The following DMD variants were observed in gnomAD, a reference collection of about 807,000 sequenced individuals.
The protein encoded by DMD is mutant dystrophin.
DMD carries 63 observed loss-of-function variants against 330.1 expected under a neutral mutation model. The ratio of observed to expected loss-of-function variants is 0.19; its 90% CI spans 0.16 to 0.24. DMD has a LOEUF of 0.24. DMD is among the 10% of genes least tolerant of loss of function. DMD has a pLI of 1.00. For synonymous variants in DMD, 1,223 were observed against 959.8 expected (o/e 1.27, Z -5.07); for missense variants, 3,344 against 2,684.1 (o/e 1.25, Z -5.43).
intron 2 of DMD, among the ~76,000 whole-genome samples, chrX:32,878,976 C>G (rs1270881027): frequency 2.0e-5 from 2 of 100,957 alleles, no homozygotes; most frequent in African/African-American, 3.6e-5. Context: ...CCACTGCACT[C>G]TAGCCTAGGC....
intron 43 of DMD, among the ~76,000 whole-genome samples, chrX:32,256,966 G>A (rs1346128440): frequency 1.8e-5 from 2 of 111,071 alleles, no homozygotes; most frequent in African/African-American, 6.6e-5. Context: ...CTTCAGCCAA[G>A]TCTCAGAATA....
chrX:33,267,334 A>T (rs1603426745), intron 1 of DMD, among the ~76,000 whole-genome samples: 1 of 111,203 alleles, frequency 9.0e-6, no homozygotes, highest in Middle Eastern at 4.6e-3. Flanking sequence ...TGTAAGGAGT[A>T]TTAAAAAACA....
chrX:32,742,312 T>C (rs1282750427), intron 7 of DMD, among the ~76,000 whole-genome samples: 2 of 112,187 alleles, frequency 1.8e-5, no homozygotes, highest in Non-Finnish European at 3.8e-5. Context: ...TTTTATTAAA[T>C]ATTCTTCGTG....
chrX:32,422,913 TGAAA>T (rs982932788), intron 29 of DMD, among the ~76,000 whole-genome samples: 1 of 111,430 alleles, frequency 9.0e-6, no homozygotes, highest in African/African-American at 3.3e-5. Flanking sequence ...AAACGTAAGA[TGAAA>T]GAGAGAGATG....
At chrX:32,866,716 C>CCCTTTT (rs1557100804) in intron 2 of DMD, among the ~76,000 whole-genome samples, 1 of 37,435 alleles carries the variant, frequency 2.7e-5, no homozygotes, top group Non-Finnish European at 4.3e-5. Context: ...CATACACACA[C>CCCTTTT]TTTTTTTTGG....
intron 7 of DMD, among the ~76,000 whole-genome samples, chrX:32,712,413 G>C (rs1324643940): frequency 9.0e-6 from 1 of 111,421 alleles, no homozygotes; most frequent in Non-Finnish European, 1.9e-5. Flanking sequence ...ATTCTTAAAT[G>C]TGAAACCTCA....
intron 2 of DMD, among the ~76,000 whole-genome samples, chrX:32,990,594 G>C (rs2092948298): frequency 9.0e-6 from 1 of 111,717 alleles, no homozygotes; most frequent in Non-Finnish European, 1.9e-5. Context: ...ACTGTAAGTA[G>C]CATTATTTTA....
At chrX:32,025,019 C>A (rs2095837207) in intron 44 of DMD, among the ~76,000 whole-genome samples, 1 of 111,383 alleles carries the variant, frequency 9.0e-6, no homozygotes, top group Admixed American at 9.6e-5. Context: ...TTTAGTTGAA[C>A]CTGGTTGGTA....
At chrX:31,437,320 T>G (rs905393525) in intron 60 of DMD, among the ~76,000 whole-genome samples, 1 of 111,859 alleles carries the variant, frequency 8.9e-6, no homozygotes, top group African/African-American at 3.2e-5. Flanking sequence ...TTTTTGCACC[T>G]CTCTGTAAAA....
chrX:33,221,825 T>C (rs1390062941), intron 1 of DMD, among the ~76,000 whole-genome samples: 2 of 111,260 alleles, frequency 1.8e-5, no homozygotes, highest in Non-Finnish European at 3.8e-5. Flanking sequence ...AATCAATGAA[T>C]ATAAAATGGA....
intron 63 of DMD, among the ~76,000 whole-genome samples, chrX:31,238,602 A>G (rs1341656803): frequency 8.9e-6 from 1 of 112,095 alleles, no homozygotes; most frequent in African/African-American, 3.2e-5. Flanking sequence ...TGTTAAAGAT[A>G]AAATGAGGCT....
intron 1 of DMD, among the ~76,000 whole-genome samples, chrX:33,161,906 CAAAAT>C (rs1261949216): frequency 1.8e-5 from 2 of 112,025 alleles, no homozygotes; most frequent in African/African-American, 6.5e-5. Flanking sequence ...GTTCATCTCT[CAAAAT>C]GAAATAATTT....
intron 60 of DMD, among the ~76,000 whole-genome samples, chrX:31,438,477 G>A (rs2064701669): frequency 9.0e-6 from 1 of 111,708 alleles, no homozygotes; most frequent in Non-Finnish European, 1.9e-5. Flanking sequence ...CCTTCCAGGT[G>A]AATTTGATGC....
At chrX:32,862,688 T>C (rs1177518888) in intron 2 of DMD, among the ~76,000 whole-genome samples, 1 of 111,831 alleles carries the variant, frequency 8.9e-6, no homozygotes, top group Non-Finnish European at 1.9e-5. Flanking sequence ...TCCATGATTA[T>C]ACTAATTACA....
At chrX:31,934,666 G>A (rs2094901770) in intron 45 of DMD, among the ~76,000 whole-genome samples, 2 of 111,081 alleles carry the variant, frequency 1.8e-5, no homozygotes, top group African/African-American at 6.6e-5. Context: ...CTGGGAAGAT[G>A]AATGCTATTT....
At chrX:33,124,504 A>AAAACAAAC (rs2095448541) in intron 1 of DMD, among the ~76,000 whole-genome samples, 1 of 105,660 alleles carries the variant, frequency 9.5e-6, no homozygotes, top group African/African-American at 3.5e-5. Context: ...AAAAAAAAAA[A>AAAACAAAC]AAAAAACCGA....
intron 13 of DMD, among the ~76,000 whole-genome samples, chrX:32,589,199 A>C (rs916539247): frequency 8.9e-6 from 1 of 111,833 alleles, no homozygotes; most frequent in Non-Finnish European, 1.9e-5. Context: ...CCACTCTACA[A>C]ATATTCTTCA....
chrX:31,478,214 C>T lies in DMD; in HGVS notation c.8829G>A (p.Thr2943=), dbSNP rs150766816. ...LERLRELQEA[T]DELDLKLRQA... ...GGCGCAGCTTGAGGTCCAGCTCATCCGTGGCCTCTTGAAGTTCCCGGAGTC... is the reference window on the plus strand; with the variant it reads ...GGCGCAGCTTGAGGTCCAGCTCATCTGTGGCCTCTTGAAGTTCCCGGAGTC... Residue 2943 remains threonine, a synonymous_variant, in exon 59 of 79, where the codon ACG becomes ACA. Coordinates refer to ENST00000357033, the MANE Select transcript of DMD (RefSeq NM_004006.3). 1.3e-5 allele frequency: 16 copies of T among 1,208,968 alleles called. No homozygotes were observed. The African/African-American group carries it at 2.1e-4, about 16-fold the overall frequency.
intron 74 of DMD, among the ~76,000 whole-genome samples, chrX:31,151,026 T>C (rs2147974509): frequency 8.9e-6 from 1 of 112,192 alleles, no homozygotes; most frequent in South Asian, 3.8e-4. Flanking sequence ...GTTTGTATAG[T>C]TTATTTCATA....
Sources: allele counts gnomAD v4.1 joint callset (sites outside exome capture counted in the v4.1 genomes callset), GRCh38; gene constraint gnomAD v4.1.1; transcripts MANE v1.5; gene names NCBI Gene and HGNC (gene_info 2026-07-23, HGNC 2026-07-21).